Variants in CTNNA3 observed in about 807,000 individuals in gnomAD.
CTNNA3 encodes catenin alpha-3.
A neutral mutation model predicts 95.7 loss-of-function variants in CTNNA3; 76 were observed. That is an observed-to-expected ratio of 0.79 (90% CI 0.66 to 0.96). The LOEUF (loss-of-function observed/expected upper bound fraction) is 0.96. Ranked by LOEUF, CTNNA3 falls within the 40% of genes least tolerant of loss-of-function variation. The pLI, the probability that CTNNA3 is intolerant of heterozygous loss-of-function variation, is 0.00. For missense variants in CTNNA3, 1,191 were observed against 1,089.8 expected, an observed-to-expected ratio of 1.09 and a Z score of -1.31; for synonymous variants, 431 against 374.4, an observed-to-expected ratio of 1.15 and a Z score of -1.74.
chr10:67,591,257 C>T (rs910578306), intron 3 of CTNNA3, among the ~76,000 whole-genome samples: 1 of 152,106 alleles, frequency 6.6e-6, no homozygotes, highest in African/African-American at 2.4e-5. Context: ...TTAAATGGTA[C>T]TTTACCAAAC....
chr10:66,034,813 TG>T (rs1307341185), intron 15 of CTNNA3, among the ~76,000 whole-genome samples: 1 of 152,164 alleles, frequency 6.6e-6, no homozygotes, highest in Non-Finnish European at 1.5e-5. Context: ...ACAAGAACTG[TG>T]GATTAAAAAT....
At chr10:66,326,156 A>T (rs2092251112) in intron 12 of CTNNA3, among the ~76,000 whole-genome samples, 1 of 152,172 alleles carries the variant, frequency 6.6e-6, no homozygotes, top group Non-Finnish European at 1.5e-5. Flanking sequence ...ACATTGGATT[A>T]CAAGATACTT....
intron 11 of CTNNA3, among the ~76,000 whole-genome samples, chr10:66,427,734 C>A (rs1042138181): frequency 2.0e-5 from 3 of 152,024 alleles, no homozygotes; most frequent in African/African-American, 7.2e-5. Flanking sequence ...ACCTGCCCGA[C>A]AAGGGCTCTG....
At chr10:66,829,888 C>T (rs1842653158) in intron 7 of CTNNA3, among the ~76,000 whole-genome samples, 1 of 41,900 alleles carries the variant, frequency 2.4e-5, no homozygotes, top group Admixed American at 2.9e-4. Context: ...GTTGTTGAGA[C>T]GGAGTCTAGC....
intron 3 of CTNNA3, among the ~76,000 whole-genome samples, chr10:67,581,174 A>G (rs939588115): frequency 2.6e-5 from 4 of 152,196 alleles, no homozygotes; most frequent in African/African-American, 9.7e-5. Flanking sequence ...TCGCCCATTC[A>G]GTATGATATT....
At chr10:66,209,171 C>A (rs907349085) in intron 13 of CTNNA3, among the ~76,000 whole-genome samples, 17 of 152,098 alleles carry the variant, frequency 1.1e-4, no homozygotes, top group African/African-American at 3.9e-4. Flanking sequence ...GTAATAACAT[C>A]ATTTCTGCCA....
At chr10:67,016,830 T>C (rs919925549) in intron 7 of CTNNA3, among the ~76,000 whole-genome samples, 1 of 152,210 alleles carries the variant, frequency 6.6e-6, no homozygotes, top group African/African-American at 2.4e-5. Flanking sequence ...ATAATTTTAG[T>C]AGACTTTGAG....
intron 11 of CTNNA3, among the ~76,000 whole-genome samples, chr10:66,442,347 A>T (rs35223778): frequency 1.3e-5 from 2 of 151,856 alleles, no homozygotes; most frequent in Non-Finnish European, 2.9e-5. Flanking sequence ...TATAATATGG[A>T]TTAGGTTTTT....
At chr10:65,972,318 T>C (rs750203609) in intron 16 of CTNNA3, among the ~76,000 whole-genome samples, 17 of 152,080 alleles carry the variant, frequency 1.1e-4, no homozygotes, top group Non-Finnish European at 1.9e-4. Context: ...TTCAACATAG[T>C]ACTGAAAGTC....
chr10:66,219,242 C>T (rs993698083), intron 13 of CTNNA3, among the ~76,000 whole-genome samples: 3 of 151,920 alleles, frequency 2.0e-5, no homozygotes, highest in African/African-American at 7.3e-5. Flanking sequence ...TGGCGAGGGG[C>T]CTTGGGAAAG....
chr10:66,391,316 G>GA (rs374121762), intron 11 of CTNNA3, among the ~76,000 whole-genome samples: 2 of 151,356 alleles, frequency 1.3e-5, no homozygotes, highest in East Asian at 1.9e-4. Context: ...ACACACACAC[G>GA]AAAAAAAAGA....
chr10:67,493,371 C>G (rs188227830), intron 5 of CTNNA3, among the ~76,000 whole-genome samples: 452 of 152,136 alleles, frequency 3.0e-3, no homozygotes, highest in African/African-American at 0.01. Flanking sequence ...ACCATCCTGG[C>G]TAACATGGTG....
intron 10 of CTNNA3, among the ~76,000 whole-genome samples, chr10:66,534,495 T>C (rs907492829): frequency 1.5e-5 from 2 of 137,412 alleles, no homozygotes; most frequent in Non-Finnish European, 3.0e-5. Flanking sequence ...TATATATATA[T>C]ATATATGTAT....
intron 17 of CTNNA3, among the ~76,000 whole-genome samples, chr10:65,952,020 G>A: frequency 1.7e-5 from 2 of 114,544 alleles, no homozygotes; most frequent in Non-Finnish European, 3.3e-5. Context: ...ACAGAGCGAG[G>A]CTCCGCCTCA....
At chr10:66,718,294 G>A (rs958622921) in intron 9 of CTNNA3, among the ~76,000 whole-genome samples, 1 of 151,988 alleles carries the variant, frequency 6.6e-6, no homozygotes, top group Non-Finnish European at 1.5e-5. Context: ...AGCCTAATGA[G>A]TTCCCCCGGC....
chr10:67,425,374 G>T (rs369340404), intron 5 of CTNNA3, among the ~76,000 whole-genome samples: 18 of 152,184 alleles, frequency 1.2e-4, no homozygotes, highest in African/African-American at 4.3e-4. Context: ...CAATGCAGCA[G>T]AGAGGCACTC....
chr10:67,229,873 T>C (rs186359686), intron 5 of CTNNA3, among the ~76,000 whole-genome samples: 11 of 152,276 alleles, frequency 7.2e-5, no homozygotes, highest in East Asian at 3.9e-4. Flanking sequence ...GTAGAATCAA[T>C]ATTGTGAAAA....
At chr10:66,926,767 G>T (rs76700898) in intron 7 of CTNNA3, among the ~76,000 whole-genome samples, 315 of 152,220 alleles carry the variant, frequency 2.1e-3, no homozygotes, top group Middle Eastern at 6.8e-3. Context: ...AAACACTAAA[G>T]ACAATTCTCT....
At chr10:67,049,695 G>A (rs557864206) in intron 7 of CTNNA3, among the ~76,000 whole-genome samples, 1 of 152,150 alleles carries the variant, frequency 6.6e-6, no homozygotes, top group African/African-American at 2.4e-5. Context: ...TCCCTGACAA[G>A]TACAAATTCT....
Sources: gnomAD v4.1 joint callset for allele counts (sites outside exome capture counted in the v4.1 genomes callset) on GRCh38, gnomAD v4.1.1 for gene constraint, MANE v1.5 for transcripts, NCBI Gene and HGNC (gene_info 2026-07-23, HGNC 2026-07-21) for gene names.